Variants in MRPS27 observed in about 807,000 individuals in gnomAD.
The protein encoded by MRPS27 is small ribosomal subunit protein mS27.
A neutral mutation model predicts 48.9 loss-of-function variants in MRPS27; 43 were observed. The observed-to-expected ratio is 0.88, with a 90% confidence interval of 0.69 to 1.13. The LOEUF (loss-of-function observed/expected upper bound fraction) is 1.13. MRPS27 is among the 50% of genes most tolerant of loss of function. The pLI is 0.00. For missense variants in MRPS27, 467 were observed against 476.3 expected, an observed-to-expected ratio of 0.98 and a Z score of 0.18; for synonymous variants, 188 against 171.9, an observed-to-expected ratio of 1.09 and a Z score of -0.73.
At chr5:72,255,526 T>C (rs1328639665) in intron 4 of MRPS27, among the ~76,000 whole-genome samples, 1 of 152,198 alleles carries the variant, frequency 6.6e-6, no homozygotes, top group Non-Finnish European at 1.5e-5. Context: ...CACAATTCTT[T>C]CCTCTTTAGT....
At chr5:72,236,519 T>C (rs1034034723) in intron 5 of MRPS27, among the ~76,000 whole-genome samples, 1 of 152,146 alleles carries the variant, frequency 6.6e-6, no homozygotes, top group African/African-American at 2.4e-5. Flanking sequence ...AATCTTTGAG[T>C]GTAATCTGTG....
intron 5 of MRPS27, among the ~76,000 whole-genome samples, chr5:72,236,781 C>T (rs781698802): frequency 1.9e-4 from 29 of 152,240 alleles, no homozygotes; most frequent in South Asian, 6.2e-4. Flanking sequence ...CTGTTTCTGC[C>T]AGCCCATCTC....
intron 2 of MRPS27, 84 bp downstream of exon 2, chr5:72,313,997 T>C: frequency 1.0e-6 from 1 of 1,000,630 alleles, no homozygotes; most frequent in Non-Finnish European, 1.5e-6. Context: ...AAGCATAATT[T>C]CATATATACG....
chr5:72,271,728 T>C (rs1337944746), intron 4 of MRPS27, among the ~76,000 whole-genome samples: 1 of 152,230 alleles, frequency 6.6e-6, no homozygotes, highest in Non-Finnish European at 1.5e-5. Flanking sequence ...AGTAGTTACA[T>C]GGGCAAAATC....
intron 4 of MRPS27, among the ~76,000 whole-genome samples, chr5:72,267,832 T>G (rs1429944683): frequency 6.6e-6 from 1 of 150,586 alleles, no homozygotes; most frequent in East Asian, 1.9e-4. Flanking sequence ...TAGAGGTCAT[T>G]AAGAAAAAAA....
intron 2 of MRPS27, 72 bp downstream of exon 2, chr5:72,314,009 T>C (rs1022295140): frequency 2.8e-6 from 3 of 1,087,422 alleles, no homozygotes; most frequent in Non-Finnish European, 4.2e-6. Context: ...ATATATACGT[T>C]ATATGAATAA....
intron 4 of MRPS27, among the ~76,000 whole-genome samples, chr5:72,280,466 AT>A (rs1349657475): frequency 6.6e-6 from 1 of 152,222 alleles, no homozygotes; most frequent in Non-Finnish European, 1.5e-5. Context: ...GATTTTAAAA[AT>A]ATGAAAAAAA....
At chr5:72,242,255 T>C (rs914063317) in intron 4 of MRPS27, among the ~76,000 whole-genome samples, 5 of 152,094 alleles carry the variant, frequency 3.3e-5, no homozygotes, top group African/African-American at 7.2e-5. Context: ...ACTCAGGCCA[T>C]ACTCAGAACT....
chr5:72,220,828 C>T lies in MRPS27; in HGVS notation c.*81G>A. On this transcript the variant is annotated 3_prime_UTR_variant, in exon 11 of 11. Coordinates refer to ENST00000261413, the MANE Select transcript of MRPS27 (RefSeq NM_015084.3). ...AGAAGATGGGTAGAGGAAGCTGAGG[C>T]TGTTGTCCAGGCCACTGCTGAGTCC... is the stretch of plus-strand genomic sequence containing the variant. The T allele has an allele frequency of 1.3e-6, 2 of 1,557,916 alleles. No homozygotes were observed. The highest frequency in any genetic ancestry group is 8.7e-7 in the Non-Finnish European group (1 of 1,152,512).
intron 4 of MRPS27, among the ~76,000 whole-genome samples, chr5:72,260,540 T>C (rs1221299623): frequency 2.0e-5 from 3 of 152,218 alleles, no homozygotes; most frequent in East Asian, 3.8e-4. Flanking sequence ...ACATGTAACA[T>C]AGAAAAGTTT....
At chr5:72,279,212 T>C (rs1749468084) in intron 4 of MRPS27, among the ~76,000 whole-genome samples, 1 of 152,254 alleles carries the variant, frequency 6.6e-6, no homozygotes, top group Non-Finnish European at 1.5e-5. Flanking sequence ...CTGTAATTTA[T>C]CTGATTATTG....
At chr5:72,280,312 AC>A (rs1749502047) in intron 4 of MRPS27, among the ~76,000 whole-genome samples, 1 of 152,224 alleles carries the variant, frequency 6.6e-6, no homozygotes, top group Non-Finnish European at 1.5e-5. Context: ...TGTGACACTT[AC>A]TGTTTAATAG....
intron 2 of MRPS27, among the ~76,000 whole-genome samples, chr5:72,309,912 A>G (rs1257241127): frequency 6.6e-6 from 1 of 152,218 alleles, no homozygotes; most frequent in African/African-American, 2.4e-5. Context: ...GATTGTCACA[A>G]TGACTGAAAG....
At chr5:72,289,666 G>A (rs74748380) in intron 4 of MRPS27, among the ~76,000 whole-genome samples, 9,632 of 152,016 alleles carry the variant, frequency 0.063, 551 homozygotes, top group African/African-American at 0.15. Context: ...CAAGCAATCC[G>A]TCTGCCCCAA....
chr5:72,220,699 C>T lies in MRPS27; in HGVS notation c.*210G>A. 1.5e-6 allele frequency: 1 copy of T among 652,760 alleles called. No individual in the cohort carries two copies. The highest frequency in any genetic ancestry group is 2.6e-6 in the Non-Finnish European group (1 of 390,478). The allele number at this position is 652,760 out of a possible 1,614,324, so 40.4% of individuals were successfully genotyped here. On this transcript the variant is annotated 3_prime_UTR_variant, in exon 11 of 11. Transcript: ENST00000261413. Reference sequence around the variant, plus strand: ...CCTTAAGGTATTCAGCTGGTGACTTCAGTCTGACCACTAGCCACCTGCATA... The same window carrying T: ...CCTTAAGGTATTCAGCTGGTGACTTTAGTCTGACCACTAGCCACCTGCATA...
intron 2 of MRPS27, among the ~76,000 whole-genome samples, chr5:72,309,225 G>A (rs895705757): frequency 6.6e-6 from 1 of 152,028 alleles, no homozygotes; most frequent in Admixed American, 6.5e-5. Flanking sequence ...AGTCTTAACT[G>A]AGGAAAGGGA....
chr5:72,312,056 C>A (rs1005104811), intron 2 of MRPS27, among the ~76,000 whole-genome samples: 4 of 152,164 alleles, frequency 2.6e-5, no homozygotes, highest in Admixed American at 6.5e-5. Context: ...CGCTTGAACC[C>A]AGGAGGCGGA....
chr5:72,241,760 T>A, intron 4 of MRPS27: 2 of 1,451,278 alleles, frequency 1.4e-6, no homozygotes, highest in Admixed American at 3.9e-5. Flanking sequence ...GCAAACAGAC[T>A]GGCTTTTGTT....
intron 4 of MRPS27, among the ~76,000 whole-genome samples, chr5:72,266,026 C>T (rs1749099828): frequency 6.6e-6 from 1 of 151,898 alleles, no homozygotes; most frequent in South Asian, 2.1e-4. Context: ...GAAAATAAAG[C>T]TTCACCTAAG....
Sources: allele counts gnomAD v4.1 joint callset (sites outside exome capture counted in the v4.1 genomes callset), GRCh38; gene constraint gnomAD v4.1.1; transcripts MANE v1.5; gene names NCBI Gene and HGNC (gene_info 2026-07-23, HGNC 2026-07-21).